Variants in RUBCNL observed in about 807,000 individuals in gnomAD.
RUBCNL encodes rubicon like autophagy enhancer.
RUBCNL carries 62 observed loss-of-function variants against 69.5 expected under a neutral mutation model. The observed-to-expected ratio is 0.89, with a 90% confidence interval of 0.73 to 1.10. The LOEUF (loss-of-function observed/expected upper bound fraction) is 1.10, where lower values mean the gene tolerates loss of function less well. RUBCNL is among the 50% of genes least tolerant of loss of function. The pLI, the probability that RUBCNL is intolerant of heterozygous loss-of-function variation, is 0.00. For missense variants in RUBCNL, 768 were observed against 798.1 expected, an observed-to-expected ratio of 0.96 and a Z score of 0.45; for synonymous variants, 291 against 303.6, an observed-to-expected ratio of 0.96 and a Z score of 0.43.
chr13:46,386,626 T>A (rs988808907), intron 1 of RUBCNL, among the ~76,000 whole-genome samples: 19 of 152,092 alleles, frequency 1.2e-4, no homozygotes, highest in Non-Finnish European at 2.5e-4. Context: ...GGTTGCTATG[T>A]AGGGCGCCCG....
intron 12 of RUBCNL, among the ~76,000 whole-genome samples, chr13:46,347,315 G>A (rs1025641564): frequency 3.7e-4 from 57 of 152,106 alleles, no homozygotes; most frequent in Non-Finnish European, 6.0e-4. Context: ...GGTGAGGCAC[G>A]AGAATCGCTT....
chr13:46,381,446 G>T (rs750315555), intron 1 of RUBCNL, among the ~76,000 whole-genome samples: 2 of 152,152 alleles, frequency 1.3e-5, no homozygotes, highest in Non-Finnish European at 2.9e-5. Context: ...GGTTGCTTAG[G>T]GTGGTGGGAT....
intron 12 of RUBCNL, among the ~76,000 whole-genome samples, chr13:46,347,850 G>A (rs895433989): frequency 8.5e-5 from 13 of 152,182 alleles, no homozygotes; most frequent in Non-Finnish European, 1.5e-4. Context: ...AAAATTAGCC[G>A]GATGTGGTTG....
Position 46,362,282 on chromosome 13 carries a change from C to T in RUBCNL, c.986+256G>A, listed in dbSNP as rs567426774. ...ACATAAATATACACACACATGCATA[C>T]ATAAAATTCACCCAACCTGTTTAAC... On this transcript the variant is annotated intron_variant, in intron 7 of 14. Transcript: ENST00000429979. Among the ~76,000 whole-genome samples the T allele has an allele frequency of 8.5e-5, 13 of 152,150 alleles. No individual in the cohort carries two copies. In the South Asian group the frequency reaches 1.9e-3, roughly 22 times the overall value.
Position 46,338,556 on chromosome 13 carries a change from T to A in RUBCNL, c.*4829A>T, listed in dbSNP as rs543364222. On this transcript the variant is annotated 3_prime_UTR_variant, in exon 15 of 15. Transcript: ENST00000429979. Reference sequence around the variant, plus strand: ...GGAGGGGTGGGGGCTTTGGGTGCGCTTGCCCTTTGTCTCCTCACCAATGGG... The same window carrying A: ...GGAGGGGTGGGGGCTTTGGGTGCGCATGCCCTTTGTCTCCTCACCAATGGG... Among the ~76,000 whole-genome samples the A allele has an allele frequency of 6.6e-6, 1 of 152,222 alleles. No individual in the cohort carries two copies. Among genetic ancestry groups the A allele is most frequent in the Non-Finnish European group, 1.5e-5 (1 of 68,014 alleles).
chr13:46,385,393 G>T, intron 1 of RUBCNL: 1 of 321,574 alleles, frequency 3.1e-6, no homozygotes, highest in Non-Finnish European at 4.5e-6. Flanking sequence ...TACACTTATA[G>T]TCTCTGGAAG....
chr13:46,350,079 C>T (rs1388761335), intron 11 of RUBCNL, 34 bp downstream of exon 11: 1 of 1,474,210 alleles, frequency 6.8e-7, no homozygotes, highest in Admixed American at 2.0e-5. Flanking sequence ...AGGACACTTC[C>T]AATGAGAGGG....
At chr13:46,352,450 C>A (rs553057495) in intron 10 of RUBCNL, among the ~76,000 whole-genome samples, 1 of 152,330 alleles carries the variant, frequency 6.6e-6, no homozygotes, top group Non-Finnish European at 1.5e-5. Context: ...GGGAAAGCAG[C>A]TGCTGTAGAA....
chr13:46,346,754 A>T (rs1321590178), intron 12 of RUBCNL, among the ~76,000 whole-genome samples: 2 of 136,840 alleles, frequency 1.5e-5, no homozygotes, highest in Non-Finnish European at 3.3e-5. Context: ...TAAAGATTAG[A>T]GACTGAAAAA....
In RUBCNL at chr13:46,338,603, G is replaced by A. The variant is rs1006637711; in HGVS notation, c.*4782C>T. ...TGGGGATGTACGTAGCCCGAGGAAG[G>A]CCAGAGCAGGGCCTCTTTCCAGGAT... On this transcript the variant is annotated 3_prime_UTR_variant, in exon 15 of 15. Coordinates refer to ENST00000429979, the MANE Select transcript of RUBCNL (RefSeq NM_025113.5). 6.6e-6 allele frequency among the ~76,000 whole-genome samples: 1 copy of A among 152,122 alleles called. No individual in the cohort carries two copies. The highest frequency in any genetic ancestry group is 1.5e-5 in the Non-Finnish European group (1 of 68,028).
In RUBCNL at chr13:46,340,687, C is replaced by T. The variant is rs954480159; in HGVS notation, c.*2698G>A. Among the ~76,000 whole-genome samples, 5 of 152,182 alleles carry T rather than the reference C, an allele frequency of 3.3e-5. No homozygotes were observed. The highest frequency in any genetic ancestry group is 7.3e-5 in the Non-Finnish European group (5 of 68,028). On this transcript the variant is annotated 3_prime_UTR_variant, in exon 15 of 15. Transcript: ENST00000429979. The stretch of plus-strand genomic sequence containing the variant: ...TCTGGTTAGGACTTGTGGCTGCTTC[C>T]ACTCATGGTGGAGGGGAAGGGGAGC...
At chr13:46,357,280 C>T (rs1468294763) in intron 9 of RUBCNL, among the ~76,000 whole-genome samples, 1 of 148,946 alleles carries the variant, frequency 6.7e-6, no homozygotes, top group African/African-American at 2.5e-5. Flanking sequence ...TTGCAGTGAG[C>T]CAAGATCGCG....
chr13:46,354,395 CTT>C (rs1215696182), intron 10 of RUBCNL, among the ~76,000 whole-genome samples: 1 of 152,116 alleles, frequency 6.6e-6, no homozygotes. Flanking sequence ...TCTCTCTACT[CTT>C]TTTGCAACTC....
chr13:46,378,051 A>T, intron 1 of RUBCNL, 46 bp from the exon 2 acceptor site: 1 of 996,728 alleles, frequency 1.0e-6, no homozygotes, highest in Non-Finnish European at 1.5e-6. Flanking sequence ...TACCACTGCC[A>T]GGTATGTTAC....
At position 46,356,436 on chromosome 13, in the gene RUBCNL, C is replaced by T. The variant is rs1455314240; in HGVS notation, c.1326G>A (p.Glu442=). The part of the protein sequence containing the change: ...FFCAGCGTPV[E]PKFVKRLRYC... Reference sequence around the variant, plus strand: ...CGATCCATTATCCGTACTTACTAGGCTCTACTGGAGTTCCACAGCCGGCAC... The same window carrying T: ...CGATCCATTATCCGTACTTACTAGGTTCTACTGGAGTTCCACAGCCGGCAC... Residue 442 remains glutamate (E), a synonymous_variant, in exon 10 of 15, where the codon GAG becomes GAA. Transcript: ENST00000429979. 3.7e-6 allele frequency: 6 copies of T among 1,613,794 alleles called. No homozygotes were observed. In the Admixed American group the frequency reaches 8.3e-5, roughly 22 times the overall value.
rs796529048 is a variant in RUBCNL at position 46,335,242 on chromosome 13, T to TTTGTTGTTG, written c.*8134_*8142dup. Among the ~76,000 whole-genome samples, 24 of 142,160 alleles carry TTTGTTGTTG rather than the reference T, an allele frequency of 1.7e-4. No individual in the cohort carries two copies. The highest frequency in any genetic ancestry group is 5.4e-4 in the African/African-American group (20 of 36,720). 93.3% of individuals were successfully genotyped at this position (142,160 alleles called of 152,430 possible). ...ATTGTGCCCAGCTAATTTGTGTCTT[T>TTTGTTGTTG]TTGTTGTTGTTGTTGTTGTTTTTTT... is the stretch of plus-strand genomic sequence containing the variant. On this transcript the variant is annotated 3_prime_UTR_variant, in exon 15 of 15. Coordinates refer to ENST00000429979, the MANE Select transcript of RUBCNL (RefSeq NM_025113.5).
At chr13:46,350,892 G>A (rs1566067066) in intron 10 of RUBCNL, 1 of 152,292 alleles carries the variant, frequency 6.6e-6, no homozygotes, top group Non-Finnish European at 1.5e-5. Flanking sequence ...ACAAAGGATG[G>A]GAATAGGTAA....
intron 11 of RUBCNL, 34 bp from the exon 12 acceptor site, chr13:46,349,381 A>G (rs779838873): frequency 4.5e-6 from 7 of 1,558,594 alleles, no homozygotes; most frequent in Non-Finnish European, 5.3e-6. Flanking sequence ...GGAAAAGTTA[A>G]ATGTAATAAA....
In RUBCNL at chr13:46,372,216, G is replaced by A; in HGVS notation, c.260C>T (p.Pro87Leu). 6.2e-7 allele frequency: 1 copy of A among 1,614,036 alleles called. No homozygotes were observed. The highest frequency in any genetic ancestry group is 1.1e-5 in the South Asian group (1 of 91,086). Residue 87 changes from proline to leucine, a missense_variant, in exon 3 of 15, where the codon CCC (proline) becomes CTC (leucine). Physicochemically the swap from Pro to Leu is moderately conservative, Grantham distance 98 (BLOSUM62 -3). Coordinates refer to ENST00000429979, the MANE Select transcript of RUBCNL (RefSeq NM_025113.5). ...GAGGCACGAAGGTGAAGGGCCTGAG[G>A]GAGAGGCAGCATCTGTCACAAAATG... ...GTHFVTDAAS[P>L]SGPSPSCLGD...
Sources: allele counts gnomAD v4.1 joint callset (sites outside exome capture counted in the v4.1 genomes callset), GRCh38; gene constraint gnomAD v4.1.1; transcripts MANE v1.5; gene names NCBI Gene and HGNC (gene_info 2026-07-23, HGNC 2026-07-21).